PHIP: variants seen among roughly 807,000 people sequenced by gnomAD.
PHIP encodes the protein PHIP subunit of CUL4-Ring ligase complex, also known as PH-interacting protein.
In PHIP, 54 loss-of-function variants were observed where a neutral mutation model predicts 236.8. That is an observed-to-expected ratio of 0.23 (90% CI 0.18 to 0.29). PHIP has a LOEUF of 0.29. Among genes scored for constraint, PHIP ranks in the 10% least tolerant of loss-of-function variants. PHIP has a pLI of 1.00. For synonymous variants in PHIP, 756 were observed against 718.9 expected, an observed-to-expected ratio of 1.05 and a Z score of -0.83; for missense variants, 1,370 against 2,190.8, an observed-to-expected ratio of 0.63 and a Z score of 7.48.
intron 19 of PHIP, among the ~76,000 whole-genome samples, chr6:78,995,856 C>G (rs1237433229): frequency 6.6e-6 from 1 of 152,096 alleles, no homozygotes; most frequent in African/African-American, 2.4e-5. Flanking sequence ...TTTAGACTAC[C>G]CACTGGAGAG....
intron 4 of PHIP, among the ~76,000 whole-genome samples, chr6:79,064,782 CA>C (rs1391971362): frequency 6.6e-6 from 1 of 152,172 alleles, no homozygotes; most frequent in Non-Finnish European, 1.5e-5. Context: ...CTTTTCTTCT[CA>C]CTATATACTC....
intron 30 of PHIP, 44 bp downstream of exon 30, chr6:78,963,053 G>A: frequency 6.6e-7 from 1 of 1,515,060 alleles, no homozygotes; most frequent in East Asian, 2.4e-5. Context: ...CCATTACTTT[G>A]TGTTCTGCCA....
chr6:78,936,942 T>C lies in PHIP; in HGVS notation c.*3751A>G, dbSNP rs1773293347. On this transcript the variant is annotated 3_prime_UTR_variant, in exon 40 of 40. Transcript: ENST00000275034. ...AGGGTAGAAGCAAAGAAAAGTGTAT[T>C]TTTCAAATTTTAATGGGAAAATAAA... 1 of 151,800 alleles carries C rather than the reference T, an allele frequency of 6.6e-6. No homozygotes were observed. The highest frequency in any genetic ancestry group is 1.5e-5 in the Non-Finnish European group (1 of 67,726). The allele number at this position is 151,800 out of a possible 1,614,324, so 9.4% of individuals were successfully genotyped here.
intron 30 of PHIP, 82 bp from the exon 31 acceptor site, chr6:78,961,892 A>T: frequency 2.8e-6 from 3 of 1,064,310 alleles, no homozygotes; most frequent in Non-Finnish European, 4.1e-6. Context: ...ATTAAGACTT[A>T]AAAAGTCCTA....
chr6:79,037,321 C>A lies in PHIP; in HGVS notation c.600+5522G>T, dbSNP rs190436121. On this transcript the variant is annotated intron_variant, in intron 7 of 39. Coordinates refer to ENST00000275034, the MANE Select transcript of PHIP (RefSeq NM_017934.7). ...TGTCAATGTTTCTTCATGACCAGAT[C>A]CAGGTCATATTATCTTTTACAGTAA... Among the ~76,000 whole-genome samples, 97 of 152,188 alleles carry A rather than the reference C, an allele frequency of 6.4e-4. 1 individual carries two copies. The South Asian group carries it at 8.1e-3, about 13-fold the overall frequency.
At chr6:78,968,952 T>G (rs114813132) in intron 27 of PHIP, among the ~76,000 whole-genome samples, 3 of 152,344 alleles carry the variant, frequency 2.0e-5, no homozygotes, top group Middle Eastern at 6.8e-3. Flanking sequence ...TCCTGAGGCT[T>G]CTACTGAATA....
At chr6:79,077,370 C>A in intron 4 of PHIP, 78 bp downstream of exon 4, 1 of 1,327,672 alleles carries the variant, frequency 7.5e-7, no homozygotes, top group Non-Finnish European at 1.1e-6. Flanking sequence ...GTTTTTGTCT[C>A]TGTAAAAAAT....
chr6:78,994,962 G>A (rs748165786), intron 19 of PHIP, among the ~76,000 whole-genome samples: 9 of 152,076 alleles, frequency 5.9e-5, no homozygotes, highest in East Asian at 3.8e-4. Flanking sequence ...ACTTTTATAC[G>A]CACTTGGAAA....
At chr6:78,993,210 G>C (rs1304459335) in intron 19 of PHIP, among the ~76,000 whole-genome samples, 1 of 152,236 alleles carries the variant, frequency 6.6e-6, no homozygotes, top group African/African-American at 2.4e-5. Flanking sequence ...AAAGTTGGAA[G>C]CTAGCAGAGG....
At chr6:79,023,073 G>T (rs1771203336) in intron 9 of PHIP, among the ~76,000 whole-genome samples, 1 of 152,146 alleles carries the variant, frequency 6.6e-6, no homozygotes. Flanking sequence ...GCAATGGATT[G>T]TTCTTGTTTT....
chr6:78,965,905 C>G (rs375214989), intron 28 of PHIP, 40 bp downstream of exon 28: 1 of 1,456,126 alleles, frequency 6.9e-7, no homozygotes, highest in East Asian at 2.3e-5. Flanking sequence ...AAATTCAAAG[C>G]AAGCCTAGGT....
chr6:79,011,794 C>T (rs558274343), intron 15 of PHIP, among the ~76,000 whole-genome samples: 2 of 151,778 alleles, frequency 1.3e-5, no homozygotes, highest in African/African-American at 4.8e-5. Flanking sequence ...ATAGCTTTAT[C>T]TCAATTCCCA....
At chr6:78,954,494 T>C (rs1487972978) in intron 35 of PHIP, among the ~76,000 whole-genome samples, 2 of 151,858 alleles carry the variant, frequency 1.3e-5, no homozygotes, top group African/African-American at 4.8e-5. Context: ...ATTGCCATAA[T>C]AAATTCATGG....
chr6:79,033,795 C>G (rs140450918), intron 7 of PHIP, among the ~76,000 whole-genome samples: 3 of 152,272 alleles, frequency 2.0e-5, no homozygotes, highest in Non-Finnish European at 2.9e-5. Context: ...TTGGCTAACT[C>G]TTTTAACATG....
At chr6:79,014,527 G>T (rs1233650955) in intron 15 of PHIP, among the ~76,000 whole-genome samples, 1 of 151,728 alleles carries the variant, frequency 6.6e-6, no homozygotes, top group Non-Finnish European at 1.5e-5. Context: ...TCGGTAAGTT[G>T]TATGTGATAT....
chr6:78,985,243 G>A, intron 22 of PHIP, 109 bp downstream of exon 22: 1 of 682,748 alleles, frequency 1.5e-6, no homozygotes, highest in Non-Finnish European at 2.6e-6. Context: ...AAAACTCTCT[G>A]AAGAACTTTG....
At position 78,998,875 on chromosome 6, in the gene PHIP, G is replaced by A. The variant is rs199927083; in HGVS notation, c.1880-484C>T. 6.6e-5 allele frequency among the ~76,000 whole-genome samples: 10 copies of A among 152,086 alleles called. No individual in the cohort carries two copies. The East Asian group carries it at 7.7e-4, about 12-fold the overall frequency. ...CTGTCTACTATATGTTAGGAACTAC[G>A]CCAGGTACTGAGATCTAGTGGTAAA... On this transcript the variant is annotated intron_variant, in intron 17 of 39. Coordinates refer to ENST00000275034, the MANE Select transcript of PHIP (RefSeq NM_017934.7).
intron 9 of PHIP, among the ~76,000 whole-genome samples, chr6:79,023,117 C>G (rs147282776): frequency 6.6e-6 from 1 of 152,124 alleles, no homozygotes; most frequent in East Asian, 1.9e-4. Flanking sequence ...TTGGCCCTGT[C>G]GCAGAGGCTA....
intron 4 of PHIP, among the ~76,000 whole-genome samples, chr6:79,069,594 T>C (rs1004685137): frequency 1.3e-5 from 2 of 152,082 alleles, no homozygotes; most frequent in Non-Finnish European, 2.9e-5. Flanking sequence ...ATTCCAAGTT[T>C]ACTGATATTT....
Sources: allele counts gnomAD v4.1 joint callset (sites outside exome capture counted in the v4.1 genomes callset), GRCh38; gene constraint gnomAD v4.1.1; transcripts MANE v1.5; gene names NCBI Gene and HGNC (gene_info 2026-07-23, HGNC 2026-07-21).